Variants in TRMT10B observed in about 807,000 individuals in gnomAD.
TRMT10B encodes the protein tRNA methyltransferase 10 homolog B.
Under a neutral mutation model 43.8 loss-of-function variants are expected in TRMT10B, and 33 were observed. That is an observed-to-expected ratio of 0.75 (90% confidence interval 0.57 to 1.01). TRMT10B has a LOEUF of 1.01. Among genes scored for constraint, TRMT10B ranks in the 50% least tolerant of loss-of-function variants. The pLI is 0.00. For synonymous variants in TRMT10B, 137 were observed against 130.6 expected (o/e 1.05, Z -0.34); for missense variants, 362 against 369.8 (o/e 0.98, Z 0.17).
rs778955127 is a variant in TRMT10B, at chr9:37,770,004, C to T, written c.637C>T (p.Pro213Ser). The change falls in exon 6 of 9, where the codon CCT becomes TCT. Residue 213 changes from proline to serine, a missense_variant. Transcript: ENST00000297994. ...FPLETLVYLTPDSEHALEDVD... is the reference protein window; with the variant it reads ...FPLETLVYLTSDSEHALEDVD... ...CTTGGAAACCCTTGTGTACCTGACT[C>T]CTGACTCAGAACACGGTATGTAGTT... 2 of 1,613,660 alleles carry T rather than the reference C, an allele frequency of 1.2e-6. No individual in the cohort carries two copies. The highest frequency in any genetic ancestry group is 8.5e-7 in the Non-Finnish European group (1 of 1,179,650).
chr9:37,755,669 T>C (rs1232522007), intron 1 of TRMT10B, among the ~76,000 whole-genome samples: 1 of 152,206 alleles, frequency 6.6e-6, no homozygotes, highest in African/African-American at 2.4e-5. Context: ...CTGATGGTGG[T>C]TGGAGTTGTT....
chr9:37,770,097 G>A (rs1038998038), intron 6 of TRMT10B, 78 bp downstream of exon 6: 25 of 1,348,092 alleles, frequency 1.9e-5, no homozygotes, highest in Non-Finnish European at 2.4e-5. Context: ...ATTTATTAAA[G>A]CCCCTCAAGA....
At chr9:37,754,250 G>A (rs2118620115) in intron 1 of TRMT10B, among the ~76,000 whole-genome samples, 1 of 152,222 alleles carries the variant, frequency 6.6e-6, no homozygotes, top group East Asian at 1.9e-4. Context: ...AAGGGATGGA[G>A]GAGGTTCCGA....
chr9:37,759,698 T>C (rs1452762813), intron 1 of TRMT10B, among the ~76,000 whole-genome samples: 2 of 152,182 alleles, frequency 1.3e-5, no homozygotes, highest in Admixed American at 6.5e-5. Flanking sequence ...GTGCCTGTAG[T>C]CCCAGAAACT....
intron 4 of TRMT10B, 88 bp downstream of exon 4, chr9:37,763,841 G>A (rs768717387): frequency 6.2e-7 from 1 of 1,608,272 alleles, no homozygotes; most frequent in East Asian, 2.2e-5. Flanking sequence ...GTCAACTCCA[G>A]CTTCTGGGAT....
intron 4 of TRMT10B, among the ~76,000 whole-genome samples, chr9:37,766,470 T>C (rs1826996982): frequency 2.0e-5 from 3 of 152,218 alleles, no homozygotes; most frequent in Non-Finnish European, 2.9e-5. Flanking sequence ...CATGCTGTTT[T>C]GGTTACTGTA....
intron 5 of TRMT10B, 61 bp downstream of exon 5, chr9:37,768,289 A>T: frequency 2.2e-6 from 3 of 1,380,068 alleles, no homozygotes; most frequent in South Asian, 1.4e-5. Flanking sequence ...GGTTAATAGT[A>T]TTTTTTTTTT....
At chr9:37,755,268 CTTT>C (rs61444533) in intron 1 of TRMT10B, among the ~76,000 whole-genome samples, 2,523 of 124,436 alleles carry the variant, frequency 0.02, 78 homozygotes, top group African/African-American at 0.069. Context: ...AAGACTCCGT[CTTT>C]TTTTTTTTTT....
At position 37,755,268 on chromosome 9, in the gene TRMT10B, CTTTTTTTTT is replaced by C. The variant is rs61444533; in HGVS notation, c.-30+1429_-30+1437del. 9.7e-4 allele frequency among the ~76,000 whole-genome samples: 121 copies of C among 124,458 alleles called. No individual in the cohort carries two copies. The Middle Eastern group carries it at 0.021, about 22-fold the overall frequency. The allele number at this position is 124,458 out of a possible 152,430, so 81.6% of individuals were successfully genotyped here. On this transcript the variant is annotated intron_variant, in intron 1 of 8. Coordinates refer to ENST00000297994, the MANE Select transcript of TRMT10B (RefSeq NM_144964.4). Reference sequence around the variant, plus strand: ...CCTGGGCGACAGAGTAAGACTCCGTCTTTTTTTTTTTTTTTTTTTTTAAAGTTAGTTTCA... The same window carrying C: ...CCTGGGCGACAGAGTAAGACTCCGTCTTTTTTTTTTTTAAAGTTAGTTTCA...
chr9:37,777,642 C>A lies in TRMT10B; in HGVS notation c.886C>A (p.Pro296Thr), dbSNP rs1195817382. 1 of 1,613,746 alleles carries A rather than the reference C, an allele frequency of 6.2e-7. No homozygotes were observed. Among genetic ancestry groups the A allele is most frequent in the Non-Finnish European group, 8.5e-7 (1 of 1,179,954 alleles). Reference protein sequence around the residue: ...LSTYLETHNWPEALKKGVSSG... With the variant: ...LSTYLETHNWTEALKKGVSSG... ...CACTTACTTAGAGACTCACAACTGGCCTGAAGCATTGAAGAAAGGAGTTTC... is the reference window on the plus strand; with the variant it reads ...CACTTACTTAGAGACTCACAACTGGACTGAAGCATTGAAGAAAGGAGTTTC... Residue 296 changes from proline to threonine, a missense_variant, in exon 9 of 9, where the codon CCT becomes ACT. Physicochemically the swap from Pro to Thr is conservative, Grantham distance 38 (BLOSUM62 -1). Transcript: ENST00000297994.
rs557593722 is a variant in TRMT10B at position 37,778,139 on chromosome 9, C to T, written c.*432C>T. ...TGCATGACATCTTCTCAGAGCTTCACAATAATGTCAGGGACCACATTTAAT... is the reference window on the plus strand; with the variant it reads ...TGCATGACATCTTCTCAGAGCTTCATAATAATGTCAGGGACCACATTTAAT... On this transcript the variant is annotated 3_prime_UTR_variant, in exon 9 of 9. Transcript: ENST00000297994. The T allele has an allele frequency of 6.1e-6, 1 of 164,828 alleles. No individual in the cohort carries two copies. Among genetic ancestry groups the T allele is most frequent in the Admixed American group, 6.0e-5 (1 of 16,586 alleles). 10.2% of individuals were successfully genotyped at this position (164,828 alleles called of 1,614,324 possible).
At chr9:37,760,771 T>G (rs1453737329) in intron 1 of TRMT10B, among the ~76,000 whole-genome samples, 1 of 152,196 alleles carries the variant, frequency 6.6e-6, no homozygotes, top group African/African-American at 2.4e-5. Flanking sequence ...TCATACTACA[T>G]AGACTTAACA....
At chr9:37,763,143 C>CAAAAAAAAAAAAA (rs747893643) in intron 3 of TRMT10B, among the ~76,000 whole-genome samples, 6 of 50,176 alleles carry the variant, frequency 1.2e-4, no homozygotes, top group Admixed American at 2.4e-4. Context: ...GACTCTGTCT[C>CAAAAAAAAAAAAA]AAAAAAAAAA....
At chr9:37,754,426 G>T (rs1228542001) in intron 1 of TRMT10B, among the ~76,000 whole-genome samples, 1 of 152,162 alleles carries the variant, frequency 6.6e-6, no homozygotes, top group Non-Finnish European at 1.5e-5. Context: ...CAGAGGAAAC[G>T]AGAAAGGTAG....
At chr9:37,761,514 C>T (rs907500374) in intron 1 of TRMT10B, among the ~76,000 whole-genome samples, 2 of 152,108 alleles carry the variant, frequency 1.3e-5, no homozygotes, top group Admixed American at 1.3e-4. Context: ...GCCTGGCCAA[C>T]ATGGTGAAAC....
chr9:37,768,289 A>AT lies in TRMT10B; in HGVS notation c.573+71dup, dbSNP rs761606274. On this transcript the variant is annotated intron_variant, in intron 5 of 8. Coordinates refer to ENST00000297994, the MANE Select transcript of TRMT10B (RefSeq NM_144964.4). ...CTGAAAAGTTATTGTGGTTAATAGTATTTTTTTTTTACTTTTTCATATATG... is the reference window on the plus strand; with the variant it reads ...CTGAAAAGTTATTGTGGTTAATAGTATTTTTTTTTTTACTTTTTCATATATG... 3.2e-3 allele frequency: 4,368 copies of AT among 1,367,026 alleles called. 2 individuals carry two copies. The highest frequency in any genetic ancestry group is 3.9e-3 in the South Asian group (274 of 69,456). 84.7% of individuals were successfully genotyped at this position (1,367,026 alleles called of 1,614,324 possible).
At chr9:37,769,073 C>T (rs748587524) in intron 5 of TRMT10B, among the ~76,000 whole-genome samples, 2 of 151,750 alleles carry the variant, frequency 1.3e-5, no homozygotes, top group Non-Finnish European at 2.9e-5. Context: ...TTTGGGAGGC[C>T]GAGGCAGGTG....
upstream of TRMT10B, among the ~76,000 whole-genome samples, chr9:37,753,179 A>G (rs1452090005): frequency 6.6e-6 from 1 of 152,136 alleles, no homozygotes; most frequent in African/African-American, 2.4e-5. Flanking sequence ...CGCCAGAAGG[A>G]AGAAACTCCA....
chr9:37,764,312 C>T (rs1192075220), intron 4 of TRMT10B, among the ~76,000 whole-genome samples: 1 of 137,278 alleles, frequency 7.3e-6, no homozygotes, highest in African/African-American at 2.7e-5. Flanking sequence ...CCACGCCTGA[C>T]AAATTTTTTT....
Sources: allele counts gnomAD v4.1 joint callset (sites outside exome capture counted in the v4.1 genomes callset), GRCh38; gene constraint gnomAD v4.1.1; transcripts MANE v1.5; gene names NCBI Gene and HGNC (gene_info 2026-07-23, HGNC 2026-07-21).